The following NSUN3 variants were observed in gnomAD, a reference collection of about 807,000 sequenced individuals.
The protein encoded by NSUN3 is tRNA (cytosine(34)-C(5))-methyltransferase, mitochondrial.
In NSUN3, 24 loss-of-function variants were observed where a neutral mutation model predicts 36.8. The ratio of observed to expected loss-of-function variants is 0.65; its 90% CI spans 0.47 to 0.92. NSUN3 has a LOEUF of 0.92. Among genes scored for constraint, NSUN3 ranks in the 40% least tolerant of loss-of-function variants. The probability of loss-of-function intolerance (pLI) is 0.00; values close to 1 mark genes in which losing one functional copy is unlikely to be tolerated. For missense variants in NSUN3, 381 were observed against 392.8 expected, an observed-to-expected ratio of 0.97 and a Z score of 0.25; for synonymous variants, 146 against 145.2, an observed-to-expected ratio of 1.01 and a Z score of -0.04.
chr3:94,067,087 A>G (rs1326126302), intron 2 of NSUN3, among the ~76,000 whole-genome samples: 1 of 152,168 alleles, frequency 6.6e-6, no homozygotes. Context: ...TGTCAACTCA[A>G]CATCCAGAAG....
intron 5 of NSUN3, among the ~76,000 whole-genome samples, chr3:94,109,697 G>T (rs1340764962): frequency 2.0e-5 from 3 of 152,228 alleles, no homozygotes; most frequent in African/African-American, 7.2e-5. Flanking sequence ...GAATTTGGAA[G>T]AGCTGAAGGA....
chr3:94,072,788 G>A (rs912148826), intron 2 of NSUN3, among the ~76,000 whole-genome samples: 5 of 151,866 alleles, frequency 3.3e-5, no homozygotes, highest in Non-Finnish European at 4.4e-5. Flanking sequence ...GCCTCAGTCT[G>A]CAATAAGTTC....
rs77721664 is a variant in NSUN3, at chr3:94,129,180, T to C, written c.*2690T>C. Among the ~76,000 whole-genome samples the C allele has an allele frequency of 8.3e-4, 127 of 152,162 alleles. No individual in the cohort carries two copies. In the East Asian group the frequency reaches 0.023, roughly 28 times the overall value. On this transcript the variant is annotated 3_prime_UTR_variant, in exon 6 of 6. Transcript: ENST00000314622. ...ATACCCACAGGAAAATAAATTGTCC[T>C]ACAAAAAAAGACATAAACGCTTGTG...
At chr3:94,103,990 A>C (rs1461837742) in intron 5 of NSUN3, among the ~76,000 whole-genome samples, 1 of 152,166 alleles carries the variant, frequency 6.6e-6, no homozygotes, top group South Asian at 2.1e-4. Context: ...TCCTTGGTAA[A>C]TAGACTAATG....
At chr3:94,070,941 A>G (rs2077222769) in intron 2 of NSUN3, among the ~76,000 whole-genome samples, 1 of 152,230 alleles carries the variant, frequency 6.6e-6, no homozygotes, top group Admixed American at 6.5e-5. Flanking sequence ...TGATTTGGGG[A>G]TATAACTCCA....
chr3:94,124,689 C>T (rs2077478133), intron 5 of NSUN3, among the ~76,000 whole-genome samples: 1 of 152,106 alleles, frequency 6.6e-6, no homozygotes, highest in Non-Finnish European at 1.5e-5. Flanking sequence ...ATACAGTCAC[C>T]TTCTAAGGCA....
At chr3:94,064,767 G>T (rs137913823) in intron 2 of NSUN3, among the ~76,000 whole-genome samples, 1 of 152,170 alleles carries the variant, frequency 6.6e-6, no homozygotes, top group African/African-American at 2.4e-5. Flanking sequence ...AGCACAAATT[G>T]TTACGCCTTT....
intron 3 of NSUN3, among the ~76,000 whole-genome samples, chr3:94,091,088 A>G (rs1388971275): frequency 6.6e-6 from 1 of 152,082 alleles, no homozygotes; most frequent in Non-Finnish European, 1.5e-5. Context: ...GTAAATCCAT[A>G]TGGGTCTGCA....
Position 94,107,726 on chromosome 3 carries a change from A to G in NSUN3, c.743+12572A>G, listed in dbSNP as rs997912532. Among the ~76,000 whole-genome samples the G allele has an allele frequency of 2.0e-5, 3 of 152,210 alleles. No homozygotes were observed. The East Asian group carries it at 5.8e-4, about 29-fold the overall frequency. Reference sequence around the variant, plus strand: ...ACAACTGACATTTTTAAATGTCTTAATGGTATTTTGGGGACACCATATCTC... The same window carrying G: ...ACAACTGACATTTTTAAATGTCTTAGTGGTATTTTGGGGACACCATATCTC... On this transcript the variant is annotated intron_variant, in intron 5 of 5. Transcript: ENST00000314622.
At chr3:94,111,727 A>T (rs989881887) in intron 5 of NSUN3, among the ~76,000 whole-genome samples, 11 of 152,094 alleles carry the variant, frequency 7.2e-5, no homozygotes, top group African/African-American at 2.2e-4. Context: ...TCTTCAGGGG[A>T]AGTGGCATGT....
chr3:94,084,040 G>T, intron 2 of NSUN3, 67 bp from the exon 3 acceptor site: 1 of 1,150,236 alleles, frequency 8.7e-7, no homozygotes, highest in Non-Finnish European at 1.2e-6. Flanking sequence ...CACCTGATTC[G>T]TAATATAAAA....
intron 5 of NSUN3, among the ~76,000 whole-genome samples, chr3:94,115,371 A>G (rs150946511): frequency 1.2e-4 from 18 of 152,226 alleles, no homozygotes; most frequent in African/African-American, 4.1e-4. Context: ...TCCTTTACTT[A>G]TATTTGCTTC....
At chr3:94,076,096 T>C in intron 2 of NSUN3, 1 of 1,507,258 alleles carries the variant, frequency 6.6e-7, no homozygotes. Flanking sequence ...ACAACTCTGG[T>C]GACCCGTCTT....
chr3:94,111,346 G>A (rs547119139), intron 5 of NSUN3, among the ~76,000 whole-genome samples: 45 of 152,094 alleles, frequency 3.0e-4, no homozygotes, highest in Middle Eastern at 3.4e-3. Flanking sequence ...CTACTGTAGC[G>A]TTTATAAACT....
Position 94,084,406 on chromosome 3 carries a change from C to T in NSUN3, c.422C>T (p.Ala141Val), listed in dbSNP as rs1191846432. ...GAGAAGGTTCTGGATCTCTGTGCTGCTCCTGGAGGGAAATCAATAGCTCTG... is the reference window on the plus strand; with the variant it reads ...GAGAAGGTTCTGGATCTCTGTGCTGTTCCTGGAGGGAAATCAATAGCTCTG... The part of the protein sequence containing the change: ...DGEKVLDLCA[A>V]PGGKSIALLQ... Residue 141 changes from alanine to valine, a missense_variant, in exon 3 of 6, where the codon GCT becomes GTT. Coordinates refer to ENST00000314622, the MANE Select transcript of NSUN3 (RefSeq NM_022072.5). The T allele has an allele frequency of 3.1e-6, 5 of 1,614,096 alleles. No individual in the cohort carries two copies. The highest frequency in any genetic ancestry group is 8.5e-7 in the Non-Finnish European group (1 of 1,179,974).
intron 2 of NSUN3, among the ~76,000 whole-genome samples, chr3:94,071,804 T>C (rs2077225525): frequency 6.6e-6 from 1 of 152,166 alleles, no homozygotes; most frequent in Non-Finnish European, 1.5e-5. Flanking sequence ...CTGGCCGCTG[T>C]TTTCTAGAGT....
intron 2 of NSUN3, among the ~76,000 whole-genome samples, chr3:94,073,350 T>C (rs2077233309): frequency 6.6e-6 from 1 of 152,194 alleles, no homozygotes. Context: ...ATGGTATTTC[T>C]AGTTCTAGAT....
At chr3:94,086,608 G>A (rs916636238) in intron 3 of NSUN3, among the ~76,000 whole-genome samples, 5 of 152,288 alleles carry the variant, frequency 3.3e-5, no homozygotes, top group African/African-American at 1.2e-4. Flanking sequence ...GAATCCAGTT[G>A]TACTAGGCAT....
chr3:94,094,953 T>C (rs2077331348), intron 4 of NSUN3, 80 bp from the exon 5 acceptor site: 1 of 1,416,322 alleles, frequency 7.1e-7, no homozygotes, highest in African/African-American at 1.4e-5. Flanking sequence ...TACCATGTTT[T>C]AGAGAACTTC....
Sources: allele counts gnomAD v4.1 joint callset (sites outside exome capture counted in the v4.1 genomes callset), GRCh38; gene constraint gnomAD v4.1.1; transcripts MANE v1.5; gene names NCBI Gene and HGNC (gene_info 2026-07-23, HGNC 2026-07-21).